BRINP3: variants seen among roughly 807,000 people sequenced by gnomAD.
BRINP3 encodes the protein BMP/retinoic acid-inducible neural-specific protein 3.
Under a neutral mutation model 71.0 loss-of-function variants are expected in BRINP3, and 19 were observed. The observed-to-expected ratio is 0.27, with a 90% CI of 0.19 to 0.39. BRINP3 has a LOEUF of 0.39. Ranked by LOEUF, BRINP3 falls within the 10% of genes least tolerant of loss-of-function variation. The pLI is 1.00. For synonymous variants in BRINP3, 380 were observed against 337.7 expected, an observed-to-expected ratio of 1.13 and a Z score of -1.37; for missense variants, 959 against 940.8, an observed-to-expected ratio of 1.02 and a Z score of -0.25.
chr1:190,453,811 T>G (rs1304291214), intron 2 of BRINP3, among the ~76,000 whole-genome samples: 1 of 152,188 alleles, frequency 6.6e-6, no homozygotes. Context: ...TCTACATAGA[T>G]ACAGCCACAC....
chr1:190,270,245 T>C (rs1369511083), intron 3 of BRINP3, among the ~76,000 whole-genome samples: 2 of 151,790 alleles, frequency 1.3e-5, no homozygotes, highest in African/African-American at 2.4e-5. Context: ...GATAGAAATA[T>C]GATATTTAAA....
Position 190,098,591 on chromosome 1 carries a change from G to A in BRINP3, c.1728C>T (p.Phe576=), listed in dbSNP as rs1369875350. The A allele has an allele frequency of 6.2e-7, 1 of 1,614,110 alleles. No homozygotes were observed. The highest frequency in any genetic ancestry group is 1.1e-5 in the South Asian group (1 of 91,086). ...ACCAGCTCTCAGAGTGGCTGCCTCC[G>A]AAGGGATTGACATAAACAGCCAACA... ...EPVLAVYVNP[F]GGSHSESWFM... The change falls in exon 8 of 8, where the codon TTC becomes TTT. Residue 576 remains phenylalanine (F), a synonymous_variant. Transcript: ENST00000367462.
chr1:190,339,605 G>T (rs115040856), intron 2 of BRINP3, among the ~76,000 whole-genome samples: 2,251 of 152,028 alleles, frequency 0.015, 70 homozygotes, highest in African/African-American at 0.05. Context: ...CTTGGGCAAT[G>T]ATTTCATTCA....
At chr1:190,277,577 T>C (rs1022905797) in intron 3 of BRINP3, among the ~76,000 whole-genome samples, 4 of 151,774 alleles carry the variant, frequency 2.6e-5, no homozygotes, top group African/African-American at 7.2e-5. Context: ...TTTTGTTGCA[T>C]TATAGTAAAC....
chr1:190,130,912 G>A (rs1054605579), intron 7 of BRINP3, among the ~76,000 whole-genome samples: 11 of 151,724 alleles, frequency 7.3e-5, no homozygotes, highest in Admixed American at 1.3e-4. Context: ...ACCATACATC[G>A]GGATTCCTGA....
At chr1:190,144,261 AAT>A (rs1383294760) in intron 7 of BRINP3, among the ~76,000 whole-genome samples, 1 of 152,164 alleles carries the variant, frequency 6.6e-6, no homozygotes, top group African/African-American at 2.4e-5. Context: ...CATATAAAAT[AAT>A]ACAATGGCAT....
intron 7 of BRINP3, among the ~76,000 whole-genome samples, chr1:190,121,413 AGGT>A (rs1653646232): frequency 6.6e-6 from 1 of 152,220 alleles, no homozygotes; most frequent in Admixed American, 6.5e-5. Flanking sequence ...GCACACATTA[AGGT>A]AACTTAAAAC....
intron 7 of BRINP3, among the ~76,000 whole-genome samples, chr1:190,140,935 G>A (rs527240062): frequency 5.3e-5 from 8 of 152,150 alleles, no homozygotes; most frequent in East Asian, 3.9e-4. Context: ...TCACAAGAGC[G>A]GGAAAACTTA....
At chr1:190,431,474 A>T (rs905297287) in intron 2 of BRINP3, among the ~76,000 whole-genome samples, 1 of 152,052 alleles carries the variant, frequency 6.6e-6, no homozygotes, top group Admixed American at 6.6e-5. Flanking sequence ...CTCCTGCCTC[A>T]TCCTCCCTAG....
chr1:190,205,532 A>G (rs1052777364), intron 6 of BRINP3, among the ~76,000 whole-genome samples: 2 of 152,086 alleles, frequency 1.3e-5, no homozygotes, highest in Non-Finnish European at 2.9e-5. Flanking sequence ...TTAATTGAGT[A>G]AATTCTGTCC....
chr1:190,259,947 G>C (rs1214224991), intron 4 of BRINP3, among the ~76,000 whole-genome samples: 1 of 151,228 alleles, frequency 6.6e-6, no homozygotes, highest in Non-Finnish European at 1.5e-5. Context: ...AGAACTGCTT[G>C]AGCCTGGGAG....
intron 2 of BRINP3, among the ~76,000 whole-genome samples, chr1:190,346,719 C>A (rs886520945): frequency 6.6e-6 from 1 of 152,054 alleles, no homozygotes; most frequent in Non-Finnish European, 1.5e-5. Context: ...CTTGAGTACC[C>A]AGTTTAGACT....
At chr1:190,247,114 C>A (rs1428678837) in intron 4 of BRINP3, among the ~76,000 whole-genome samples, 1 of 151,628 alleles carries the variant, frequency 6.6e-6, no homozygotes, top group Non-Finnish European at 1.5e-5. Flanking sequence ...TATTGTTATG[C>A]TAAATTTTCT....
chr1:190,368,843 T>C (rs890091702), intron 2 of BRINP3, among the ~76,000 whole-genome samples: 3 of 152,204 alleles, frequency 2.0e-5, no homozygotes, highest in Non-Finnish European at 4.4e-5. Context: ...ACTTAATGCA[T>C]AGACATATAG....
chr1:190,165,362 T>G (rs12083309), intron 6 of BRINP3, among the ~76,000 whole-genome samples: 18,336 of 150,252 alleles, frequency 0.12, 1,646 homozygotes, highest in South Asian at 0.25. Context: ...AAAAAAAAAG[T>G]ATTACTTTCT....
chr1:190,394,916 C>T (rs1043559104), intron 2 of BRINP3, among the ~76,000 whole-genome samples: 1 of 151,722 alleles, frequency 6.6e-6, no homozygotes, highest in African/African-American at 2.4e-5. Context: ...TGTGGAATTG[C>T]ACCATTTCGG....
chr1:190,456,737 C>T (rs1441662425), intron 1 of BRINP3, among the ~76,000 whole-genome samples: 4 of 151,852 alleles, frequency 2.6e-5, no homozygotes, highest in African/African-American at 9.7e-5. Flanking sequence ...TTATCATATA[C>T]ATTTAAACGG....
chr1:190,126,888 A>G (rs1181724828), intron 7 of BRINP3, among the ~76,000 whole-genome samples: 1 of 151,944 alleles, frequency 6.6e-6, no homozygotes, highest in Non-Finnish European at 1.5e-5. Context: ...AAACATGGAT[A>G]TAGTTTCTAC....
chr1:190,228,866 G>A (rs1657662669), intron 5 of BRINP3, among the ~76,000 whole-genome samples: 1 of 152,010 alleles, frequency 6.6e-6, no homozygotes, highest in East Asian at 1.9e-4. Flanking sequence ...GGTCTACCTA[G>A]TGCTGGAACA....
Sources: gnomAD v4.1 joint callset for allele counts (sites outside exome capture counted in the v4.1 genomes callset) on GRCh38, gnomAD v4.1.1 for gene constraint, MANE v1.5 for transcripts, NCBI Gene and HGNC (gene_info 2026-07-23, HGNC 2026-07-21) for gene names.